GLI3: variants seen among roughly 807,000 people sequenced by gnomAD.
The protein encoded by GLI3 is transcription activator GLI3.
GLI3 carries 20 observed loss-of-function variants against 100.8 expected under a neutral mutation model. That is an observed-to-expected ratio of 0.20 (90% confidence interval 0.14 to 0.29). GLI3 has a LOEUF of 0.29. GLI3 is among the 10% of genes least tolerant of loss of function. The probability of loss-of-function intolerance (pLI) is 1.00; values close to 1 mark genes in which losing one functional copy is unlikely to be tolerated. For missense variants in GLI3, 2,040 were observed against 2,128.5 expected, an observed-to-expected ratio of 0.96 and a Z score of 0.82; for synonymous variants, 938 against 860.5, an observed-to-expected ratio of 1.09 and a Z score of -1.58.
intron 3 of GLI3, among the ~76,000 whole-genome samples, chr7:42,128,018 C>CAAAAAA (rs762509904): frequency 1.2e-5 from 1 of 85,000 alleles, no homozygotes; most frequent in Non-Finnish European, 2.3e-5. Context: ...GACCCTGACT[C>CAAAAAA]AAAAAAAAAA....
At chr7:42,006,228 G>A (rs1304894493) in intron 10 of GLI3, among the ~76,000 whole-genome samples, 1 of 151,456 alleles carries the variant, frequency 6.6e-6, no homozygotes, top group East Asian at 1.9e-4. Context: ...GCTCCAATGG[G>A]GCACAGGCTG....
At chr7:42,248,942 A>T (rs143645891) in intron 1 of GLI3, among the ~76,000 whole-genome samples, 6,033 of 151,980 alleles carry the variant, frequency 0.04, 395 homozygotes, top group African/African-American at 0.14. Flanking sequence ...GATTTTCACC[A>T]TGTTGGCTAG....
intron 3 of GLI3, among the ~76,000 whole-genome samples, chr7:42,090,515 C>G (rs1047835654): frequency 5.9e-5 from 9 of 152,194 alleles, no homozygotes; most frequent in African/African-American, 2.2e-4. Flanking sequence ...AACATAAACA[C>G]CCAAGTTACC....
In GLI3 at chr7:42,074,305, C is replaced by G. The variant is rs139657127; in HGVS notation, c.473+2447G>C. On this transcript the variant is annotated intron_variant, in intron 4 of 14. Coordinates refer to ENST00000395925, the MANE Select transcript of GLI3 (RefSeq NM_000168.6). ...CAGAGTGCACAGCACAAGTGAGTGG[C>G]AACACAAGAACAGGAATTCGAGCTC... Among the ~76,000 whole-genome samples the G allele has an allele frequency of 7.2e-5, 11 of 152,300 alleles. No homozygotes were observed. The East Asian group carries it at 1.9e-3, about 27-fold the overall frequency.
intron 7 of GLI3, among the ~76,000 whole-genome samples, chr7:42,039,705 T>C (rs543031126): frequency 1.3e-5 from 2 of 152,234 alleles, no homozygotes; most frequent in Non-Finnish European, 2.9e-5. Context: ...TGAAGTCAGT[T>C]TTCCTCTAGA....
chr7:42,198,002 C>T (rs1041809223), intron 2 of GLI3, among the ~76,000 whole-genome samples: 4 of 152,114 alleles, frequency 2.6e-5, no homozygotes. Flanking sequence ...ACTCTGCAAA[C>T]GCATCTTAAC....
chr7:42,206,848 A>C (rs953394390), intron 2 of GLI3, among the ~76,000 whole-genome samples: 1 of 152,188 alleles, frequency 6.6e-6, no homozygotes, highest in African/African-American at 2.4e-5. Context: ...AAAAACTGGT[A>C]AACAATTATC....
At chr7:42,209,821 T>TC (rs199702741) in intron 2 of GLI3, among the ~76,000 whole-genome samples, 8 of 48,770 alleles carry the variant, frequency 1.6e-4, no homozygotes, top group East Asian at 6.9e-3. Flanking sequence ...GTTCTCTCTC[T>TC]TTTTTTTTTT....
At chr7:42,059,188 T>G (rs558833558) in intron 4 of GLI3, among the ~76,000 whole-genome samples, 1 of 152,312 alleles carries the variant, frequency 6.6e-6, no homozygotes, top group East Asian at 1.9e-4. Context: ...ATAACATATG[T>G]TTTAAATATT....
intron 3 of GLI3, among the ~76,000 whole-genome samples, chr7:42,114,936 AGGC>A: frequency 6.6e-6 from 1 of 152,090 alleles, no homozygotes; most frequent in Non-Finnish European, 1.5e-5. Flanking sequence ...TCCTGACCTC[AGGC>A]AATGTGCCTG....
chr7:42,158,030 C>A (rs988867032), intron 2 of GLI3, among the ~76,000 whole-genome samples: 12 of 152,152 alleles, frequency 7.9e-5, no homozygotes, highest in African/African-American at 2.7e-4. Context: ...AAAATTATAT[C>A]ATTTTAATTA....
intron 7 of GLI3, among the ~76,000 whole-genome samples, chr7:42,028,436 C>T (rs1373168158): frequency 1.3e-5 from 2 of 152,142 alleles, no homozygotes; most frequent in East Asian, 1.9e-4. Flanking sequence ...AACTCAAAAG[C>T]ATTCACAGAC....
intron 2 of GLI3, among the ~76,000 whole-genome samples, chr7:42,180,813 T>A (rs2128681698): frequency 6.6e-6 from 1 of 152,342 alleles, no homozygotes; most frequent in African/African-American, 2.4e-5. Flanking sequence ...AATGTGTAAT[T>A]ACCCTTTCTA....
chr7:42,218,412 A>C (rs1788418248), intron 2 of GLI3, among the ~76,000 whole-genome samples: 1 of 148,458 alleles, frequency 6.7e-6, no homozygotes, highest in Non-Finnish European at 1.5e-5. Flanking sequence ...CATCACAATC[A>C]GTGGTTGGTG....
intron 4 of GLI3, among the ~76,000 whole-genome samples, chr7:42,065,596 T>G (rs1784658185): frequency 6.6e-6 from 1 of 152,182 alleles, no homozygotes; most frequent in Admixed American, 6.5e-5. Context: ...CAAGAAAATG[T>G]AGTGGTTATA....
chr7:42,235,699 G>A (rs1788776586), intron 1 of GLI3, among the ~76,000 whole-genome samples: 1 of 152,150 alleles, frequency 6.6e-6, no homozygotes, highest in African/African-American at 2.4e-5. Flanking sequence ...ATACCAGCCC[G>A]GCTAATGGCA....
upstream of GLI3, among the ~76,000 whole-genome samples, chr7:42,240,410 A>C (rs1006350347): frequency 6.6e-6 from 1 of 152,214 alleles, no homozygotes; most frequent in African/African-American, 2.4e-5. Flanking sequence ...AAGGACAGAC[A>C]TGTATTGTCC....
intron 2 of GLI3, among the ~76,000 whole-genome samples, chr7:42,158,186 G>A (rs181114965): frequency 4.3e-4 from 65 of 152,254 alleles, no homozygotes; most frequent in Non-Finnish European, 2.2e-4. Flanking sequence ...TATACTCTGC[G>A]CCTCACATTT....
At chr7:42,074,751 G>A (rs1392478101) in intron 4 of GLI3, among the ~76,000 whole-genome samples, 1 of 152,156 alleles carries the variant, frequency 6.6e-6, no homozygotes, top group African/African-American at 2.4e-5. Flanking sequence ...CATTCTCTGT[G>A]CCCGCAGCAA....
Sources: gnomAD v4.1 joint callset for allele counts (sites outside exome capture counted in the v4.1 genomes callset) on GRCh38, gnomAD v4.1.1 for gene constraint, MANE v1.5 for transcripts, NCBI Gene and HGNC (gene_info 2026-07-23, HGNC 2026-07-21) for gene names.